IQGAP2: variants seen among roughly 807,000 people sequenced by gnomAD.
The protein encoded by IQGAP2 is IQ motif containing GTPase activating protein 2, also known as ras GTPase-activating-like protein IQGAP2.
In IQGAP2, 173 loss-of-function variants were observed where a neutral mutation model predicts 201.3. The ratio of observed to expected loss-of-function variants is 0.86; its 90% CI spans 0.76 to 0.98. The LOEUF (loss-of-function observed/expected upper bound fraction) is 0.98. Among genes scored for constraint, IQGAP2 ranks in the 50% least tolerant of loss-of-function variants. The pLI is 0.00. For synonymous variants in IQGAP2, 675 were observed against 673.9 expected, an observed-to-expected ratio of 1.00 and a Z score of -0.03; for missense variants, 1,687 against 1,864.8, an observed-to-expected ratio of 0.90 and a Z score of 1.76.
chr5:76,527,318 C>T (rs1412499721), intron 2 of IQGAP2, among the ~76,000 whole-genome samples: 1 of 152,136 alleles, frequency 6.6e-6, no homozygotes, highest in Non-Finnish European at 1.5e-5. Context: ...AGAGGTGCTC[C>T]CTGTCCCCCA....
At chr5:76,561,856 GAGTCTGTGTT>G (rs1253572514) in intron 2 of IQGAP2, among the ~76,000 whole-genome samples, 1 of 152,192 alleles carries the variant, frequency 6.6e-6, no homozygotes, top group African/African-American at 2.4e-5. Context: ...TTGGAAAAAG[GAGTCTGTGTT>G]ATTTAAAGAA....
chr5:76,606,135 A>C, intron 11 of IQGAP2, 44 bp from the exon 12 acceptor site: 1 of 1,532,922 alleles, frequency 6.5e-7, no homozygotes, highest in African/African-American at 1.4e-5. Flanking sequence ...GGAACGAAGA[A>C]TGAATGTCTC....
chr5:76,632,571 T>A (rs1020084156), intron 15 of IQGAP2, among the ~76,000 whole-genome samples: 1 of 152,178 alleles, frequency 6.6e-6, no homozygotes, highest in African/African-American at 2.4e-5. Context: ...ATTTGGAAGT[T>A]CACATTGGTA....
At chr5:76,465,599 A>G (rs1754727823) in intron 2 of IQGAP2, among the ~76,000 whole-genome samples, 1 of 152,194 alleles carries the variant, frequency 6.6e-6, no homozygotes, top group African/African-American at 2.4e-5. Flanking sequence ...TTTCTAAGGG[A>G]TGTTTTCTGG....
intron 14 of IQGAP2, 118 bp downstream of exon 14, chr5:76,627,618 G>T (rs1750360568): frequency 1.5e-6 from 1 of 667,884 alleles, no homozygotes; most frequent in Non-Finnish European, 2.7e-6. Flanking sequence ...TTAGTTCTTG[G>T]ACACATAATT....
chr5:76,638,573 A>C (rs1350955958), intron 16 of IQGAP2, among the ~76,000 whole-genome samples: 1 of 152,188 alleles, frequency 6.6e-6, no homozygotes, highest in Non-Finnish European at 1.5e-5. Flanking sequence ...TGAAGTATTT[A>C]CAAAAAAAGA....
At chr5:76,467,361 A>G (rs1754837323) in intron 2 of IQGAP2, among the ~76,000 whole-genome samples, 1 of 152,238 alleles carries the variant, frequency 6.6e-6, no homozygotes, top group Admixed American at 6.5e-5. Flanking sequence ...CAAAGAAGAT[A>G]CACAAGTGAT....
chr5:76,683,150 GA>G lies in IQGAP2; in HGVS notation c.3701del (p.Asn1234MetfsTer4). ...AACACCAGGATGCAATTGCCCCTGAGAAAAATGACTTACTGAGTGAATTGCT... is the reference window on the plus strand; with the variant it reads ...AACACCAGGATGCAATTGCCCCTGAGAAAATGACTTACTGAGTGAATTGCT... Reference protein sequence around the residue: ...LEHQDAIAPEKNDLLSELLGS... With the variant: ...LEHQDAIAPEXNDLLSELLGS... On this transcript the variant is annotated frameshift_variant, in exon 29 of 36. Transcript: ENST00000274364. LOFTEE classifies it high-confidence loss of function. 2 of 1,612,044 alleles carry G rather than the reference GA, an allele frequency of 1.2e-6. No homozygotes were observed. Among genetic ancestry groups the G allele is most frequent in the Admixed American group, 1.7e-5 (1 of 59,730 alleles).
Position 76,702,609 on chromosome 5 carries a change from T to A in IQGAP2, c.4614+19T>A, listed in dbSNP as rs758265510. On this transcript the variant is annotated intron_variant, in intron 35 of 35. Coordinates refer to ENST00000274364, the MANE Select transcript of IQGAP2 (RefSeq NM_006633.5). ...TATTCAGGTAAGCTGCTGGAATTTC[T>A]GCACATTGATGATAAATTTTATATG... 2.5e-5 allele frequency: 27 copies of A among 1,100,148 alleles called. No individual in the cohort carries two copies. Among genetic ancestry groups the A allele is most frequent in the Non-Finnish European group, 3.7e-5 (26 of 711,594 alleles). The allele number at this position is 1,100,148 out of a possible 1,614,324, so 68.1% of individuals were successfully genotyped here.
chr5:76,652,730 T>C lies in IQGAP2; in HGVS notation c.2095-20T>C. The C allele has an allele frequency of 6.5e-7, 1 of 1,543,856 alleles. No homozygotes were observed. The highest frequency in any genetic ancestry group is 9.0e-7 in the Non-Finnish European group (1 of 1,115,762). Reference sequence around the variant, plus strand: ...GGAAACTTGCTGGTAAATAATTCTATAACCCACTCTTTTCCTTAGGCTTTT... The same window carrying C: ...GGAAACTTGCTGGTAAATAATTCTACAACCCACTCTTTTCCTTAGGCTTTT... On this transcript the variant is annotated intron_variant, in intron 17 of 35. Coordinates refer to ENST00000274364, the MANE Select transcript of IQGAP2 (RefSeq NM_006633.5).
At chr5:76,520,151 C>T (rs1758581125) in intron 2 of IQGAP2, among the ~76,000 whole-genome samples, 1 of 150,578 alleles carries the variant, frequency 6.6e-6, no homozygotes, top group Admixed American at 6.6e-5. Flanking sequence ...TTTTTTTTCC[C>T]AAGAGTTTTA....
At position 76,461,646 on chromosome 5, in the gene IQGAP2, G is replaced by A. The variant is rs139165349; in HGVS notation, c.123G>A (p.Leu41=). Residue 41 remains leucine (L), a synonymous_variant, in exon 2 of 36, where the codon CTG becomes CTA. Coordinates refer to ENST00000274364, the MANE Select transcript of IQGAP2 (RefSeq NM_006633.5). ...GGCAGAACATTGCTTATGAATATCTGTGCCACTTAGAGGAAGCCAAAAGGT... is the reference window on the plus strand; with the variant it reads ...GGCAGAACATTGCTTATGAATATCTATGCCACTTAGAGGAAGCCAAAAGGT... The part of the protein sequence containing the change: ...RRRQNIAYEY[L]CHLEEAKRWM... The A allele has an allele frequency of 3.0e-4, 484 of 1,613,678 alleles. 2 individuals are homozygous for A. The East Asian group carries it at 8.7e-3, about 29-fold the overall frequency.
intron 13 of IQGAP2, among the ~76,000 whole-genome samples, chr5:76,624,017 C>G (rs1001897956): frequency 4.0e-5 from 6 of 148,392 alleles, no homozygotes; most frequent in African/African-American, 1.5e-4. Context: ...GAGGAACCTC[C>G]CAAACAACGC....
At chr5:76,572,114 G>A (rs548935945) in intron 4 of IQGAP2, among the ~76,000 whole-genome samples, 1 of 152,092 alleles carries the variant, frequency 6.6e-6, no homozygotes, top group Non-Finnish European at 1.5e-5. Context: ...ATCATATAGC[G>A]GGTATCCTTT....
At position 76,448,054 on chromosome 5, in the gene IQGAP2, G is replaced by A. The variant is rs1753505269; in HGVS notation, c.47-13516G>A. ...CTGGGGATGTGTGGAGGTCCAGAGA[G>A]ACTCAGAAAGGCTGGTTTGCATCTC... is the stretch of plus-strand genomic sequence containing the variant. On this transcript the variant is annotated intron_variant, in intron 1 of 35. Transcript: ENST00000274364. Among the ~76,000 whole-genome samples, 3 of 152,122 alleles carry A rather than the reference G, an allele frequency of 2.0e-5. No homozygotes were observed. The South Asian group carries it at 6.2e-4, about 31-fold the overall frequency.
intron 28 of IQGAP2, among the ~76,000 whole-genome samples, chr5:76,682,358 T>C (rs1745378353): frequency 6.6e-6 from 1 of 152,166 alleles, no homozygotes; most frequent in Non-Finnish European, 1.5e-5. Context: ...TTCCGTACTT[T>C]GGAAATGTTG....
intron 30 of IQGAP2, among the ~76,000 whole-genome samples, chr5:76,690,140 A>G (rs1257351751): frequency 1.3e-5 from 2 of 152,152 alleles, no homozygotes; most frequent in African/African-American, 4.8e-5. Context: ...TACTCTAAGC[A>G]GTTGATTTAT....
In IQGAP2 at chr5:76,695,658, AT is replaced by A; in HGVS notation, c.4200del (p.Ile1400MetfsTer26). On this transcript the variant is annotated frameshift_variant, in exon 32 of 36. Transcript: ENST00000274364. LOFTEE classifies it high-confidence loss of function. ...TAAATACCAAGACATTCTCAATGAG[AT>A]TGCCAAGGTTTTTGGAAACAGTATT... ...ENKYQDILNE[I>X]AKDIRNQRIY... The A allele has an allele frequency of 6.2e-7, 1 of 1,613,256 alleles. No individual in the cohort carries two copies. The highest frequency in any genetic ancestry group is 1.3e-5 in the African/African-American group (1 of 74,998).
At chr5:76,531,533 T>C (rs534068441) in intron 2 of IQGAP2, among the ~76,000 whole-genome samples, 2 of 152,344 alleles carry the variant, frequency 1.3e-5, no homozygotes, top group East Asian at 1.9e-4. Flanking sequence ...TGTACCGTTA[T>C]GACGTCAATA....
Sources: gnomAD v4.1 joint callset for allele counts (sites outside exome capture counted in the v4.1 genomes callset) on GRCh38, gnomAD v4.1.1 for gene constraint, MANE v1.5 for transcripts, NCBI Gene and HGNC (gene_info 2026-07-23, HGNC 2026-07-21) for gene names.